Variants in ENTREP2 observed in about 807,000 individuals in gnomAD.
ENTREP2 encodes protein ENTREP2.
the ENTREP2 span, among the ~76,000 whole-genome samples, chr15:29,637,146 C>T: frequency 6.6e-6 from 1 of 152,194 alleles, no homozygotes; most frequent in African/African-American, 2.4e-5. Flanking sequence ...TCCTCAGATG[C>T]TGTTGGCCTC....
the ENTREP2 span, among the ~76,000 whole-genome samples, chr15:29,342,752 A>C: frequency 6.6e-6 from 1 of 152,002 alleles, no homozygotes; most frequent in African/African-American, 2.4e-5. Flanking sequence ...CAGTGTTTTC[A>C]TGTGATTAGG....
the ENTREP2 span, among the ~76,000 whole-genome samples, chr15:29,218,159 G>A: frequency 6.6e-6 from 1 of 152,132 alleles, no homozygotes; most frequent in East Asian, 1.9e-4. Flanking sequence ...TGGCAGCGGG[G>A]TGCAATGGAC....
the ENTREP2 span, among the ~76,000 whole-genome samples, chr15:29,309,658 T>TG: frequency 0.51 from 76,840 of 151,672 alleles, 22,311 homozygotes; most frequent in African/African-American, 0.82. Flanking sequence ...TGTGTGGTGC[T>TG]GGCATCTGTA....
the ENTREP2 span, among the ~76,000 whole-genome samples, chr15:29,534,898 T>C: frequency 6.6e-6 from 1 of 152,220 alleles, no homozygotes; most frequent in African/African-American, 2.4e-5. Context: ...ACTGATACTG[T>C]ATACTTTTCA....
the ENTREP2 span, among the ~76,000 whole-genome samples, chr15:29,313,361 T>C: frequency 6.6e-6 from 1 of 152,234 alleles, no homozygotes; most frequent in African/African-American, 2.4e-5. Context: ...GAGGGAAAGA[T>C]GACGCCTGGC....
chr15:29,570,989 G>C, the ENTREP2 span, among the ~76,000 whole-genome samples: 3 of 145,206 alleles, frequency 2.1e-5, no homozygotes, highest in African/African-American at 7.4e-5. Flanking sequence ...TCCCCCGCCC[G>C]CCCCGCGCGC....
chr15:29,209,599 C>G, the ENTREP2 span, among the ~76,000 whole-genome samples: 1 of 152,186 alleles, frequency 6.6e-6, no homozygotes. Context: ...CAGTTTCCCA[C>G]AGAGAGAGAA....
At chr15:29,504,745 G>T in the ENTREP2 span, among the ~76,000 whole-genome samples, 1 of 152,184 alleles carries the variant, frequency 6.6e-6, no homozygotes, top group African/African-American at 2.4e-5. Context: ...ACAAAGAAGT[G>T]GGGAAAGCAG....
chr15:29,521,648 C>A, the ENTREP2 span, among the ~76,000 whole-genome samples: 1 of 152,110 alleles, frequency 6.6e-6, no homozygotes, highest in Non-Finnish European at 1.5e-5. Flanking sequence ...AAGAGTCTCT[C>A]CCTCTTTGTC....
At chr15:29,248,566 G>A in the ENTREP2 span, among the ~76,000 whole-genome samples, 2 of 151,730 alleles carry the variant, frequency 1.3e-5, no homozygotes, top group Admixed American at 6.6e-5. Context: ...AATATAAATG[G>A]TGCATAAACA....
the ENTREP2 span, among the ~76,000 whole-genome samples, chr15:29,183,166 G>A: frequency 7.2e-5 from 11 of 152,322 alleles, no homozygotes; most frequent in African/African-American, 2.4e-4. Flanking sequence ...AAACAACTTT[G>A]AGTGATGAGT....
chr15:29,435,284 G>A, the ENTREP2 span, among the ~76,000 whole-genome samples: 7 of 152,066 alleles, frequency 4.6e-5, no homozygotes, highest in African/African-American at 1.7e-4. Context: ...CTCCGGGGTG[G>A]GAGCAGTCTT....
the ENTREP2 span, among the ~76,000 whole-genome samples, chr15:29,282,456 A>G: frequency 6.6e-6 from 1 of 152,176 alleles, no homozygotes; most frequent in African/African-American, 2.4e-5. Context: ...AGACTAATAC[A>G]TCATCCTAAC....
At chr15:29,651,051 C>T in the ENTREP2 span, among the ~76,000 whole-genome samples, 3 of 152,172 alleles carry the variant, frequency 2.0e-5, no homozygotes, top group African/African-American at 4.8e-5. Context: ...GTTAAGTTAT[C>T]TGAAGCTCTT....
the ENTREP2 span, among the ~76,000 whole-genome samples, chr15:29,206,704 C>T: frequency 6.6e-6 from 1 of 152,032 alleles, no homozygotes; most frequent in Non-Finnish European, 1.5e-5. Flanking sequence ...GATGAAAATG[C>T]TCTAAAATTG....
At chr15:29,230,914 T>C in the ENTREP2 span, among the ~76,000 whole-genome samples, 7 of 152,182 alleles carry the variant, frequency 4.6e-5, no homozygotes, top group South Asian at 1.4e-3. Context: ...TATATTTACA[T>C]CTTAAAGTTT....
the ENTREP2 span, among the ~76,000 whole-genome samples, chr15:29,226,533 T>A: frequency 4.6e-3 from 706 of 152,304 alleles, 3 homozygotes; most frequent in African/African-American, 0.016. Context: ...GGCTGTGCCT[T>A]TGGGCAACAA....
the ENTREP2 span, among the ~76,000 whole-genome samples, chr15:29,501,436 C>A: frequency 2.0e-5 from 3 of 151,972 alleles, no homozygotes; most frequent in Non-Finnish European, 4.4e-5. Context: ...TCAATAGATG[C>A]AGAAAAAGTA....
the ENTREP2 span, among the ~76,000 whole-genome samples, chr15:29,339,786 A>G: frequency 6.6e-6 from 1 of 152,230 alleles, no homozygotes. Context: ...ATATGAAAAC[A>G]TTCCCGTTTA....
Sources: gnomAD v4.1 joint callset for allele counts (sites outside exome capture counted in the v4.1 genomes callset) on GRCh38, gnomAD v4.1.1 for gene constraint, MANE v1.5 for transcripts, NCBI Gene and HGNC (gene_info 2026-07-23, HGNC 2026-07-21) for gene names.